Variants in ARHGAP10 observed in about 807,000 individuals in gnomAD.
ARHGAP10 encodes the protein rho GTPase-activating protein 10.
In ARHGAP10, 87 loss-of-function variants were observed where a neutral mutation model predicts 108.6. The observed-to-expected ratio is 0.80, with a 90% CI of 0.67 to 0.96. The LOEUF (loss-of-function observed/expected upper bound fraction) is 0.96. Among genes scored for constraint, ARHGAP10 ranks in the 40% least tolerant of loss-of-function variants. The pLI is 0.00. For synonymous variants in ARHGAP10, 347 were observed against 341.1 expected (o/e 1.02, Z -0.19); for missense variants, 939 against 954.5 (o/e 0.98, Z 0.21).
chr4:147,736,071 C>T (rs534483682), intron 1 of ARHGAP10, among the ~76,000 whole-genome samples: 1 of 151,898 alleles, frequency 6.6e-6, no homozygotes, highest in Admixed American at 6.5e-5. Flanking sequence ...AGTTATTAAG[C>T]ACTAATACAG....
chr4:148,061,799 C>T (rs936323283), intron 20 of ARHGAP10, among the ~76,000 whole-genome samples: 3 of 152,060 alleles, frequency 2.0e-5, no homozygotes, highest in Admixed American at 1.3e-4. Flanking sequence ...TGCCTGGCTT[C>T]GTGAGATCTG....
chr4:148,058,988 G>T (rs573877874), intron 20 of ARHGAP10, among the ~76,000 whole-genome samples: 1 of 152,302 alleles, frequency 6.6e-6, no homozygotes, highest in Admixed American at 6.5e-5. Context: ...TGCCTCCGTG[G>T]CGTCAGGAAC....
At chr4:147,960,734 C>T (rs539832207) in intron 16 of ARHGAP10, among the ~76,000 whole-genome samples, 11 of 152,318 alleles carry the variant, frequency 7.2e-5, no homozygotes, top group East Asian at 3.9e-4. Context: ...TTCTCTTGCT[C>T]ATGTGGTCAT....
chr4:148,046,757 C>T, intron 19 of ARHGAP10, 135 bp from the exon 20 acceptor site: 1 of 815,168 alleles, frequency 1.2e-6, no homozygotes, highest in Non-Finnish European at 1.8e-6. Context: ...GACAGGACAC[C>T]CAGATACTGT....
chr4:147,819,479 AG>A (rs1732392788), intron 1 of ARHGAP10, among the ~76,000 whole-genome samples: 1 of 152,056 alleles, frequency 6.6e-6, no homozygotes, highest in Admixed American at 6.5e-5. Flanking sequence ...ATTTGGAAAT[AG>A]GTACATGAAA....
At chr4:147,953,374 C>A (rs1738679811) in intron 15 of ARHGAP10, among the ~76,000 whole-genome samples, 1 of 151,968 alleles carries the variant, frequency 6.6e-6, no homozygotes, top group African/African-American at 2.4e-5. Flanking sequence ...TGGTAGAATT[C>A]ATTCAGTGAC....
At chr4:148,061,177 A>G (rs921787384) in intron 20 of ARHGAP10, among the ~76,000 whole-genome samples, 3 of 152,012 alleles carry the variant, frequency 2.0e-5, no homozygotes, top group Admixed American at 1.3e-4. Flanking sequence ...CAAGGGCCAC[A>G]TAAGTGTAGT....
chr4:147,781,133 C>T (rs1184392492), intron 1 of ARHGAP10, among the ~76,000 whole-genome samples: 4 of 152,010 alleles, frequency 2.6e-5, no homozygotes, highest in African/African-American at 7.2e-5. Flanking sequence ...CTGAGGCGGG[C>T]GGATCACGAG....
chr4:148,042,658 AC>A (rs1206080450), intron 19 of ARHGAP10, among the ~76,000 whole-genome samples: 1 of 152,180 alleles, frequency 6.6e-6, no homozygotes, highest in African/African-American at 2.4e-5. Context: ...TAACCATATT[AC>A]AGCAAACACC....
At chr4:147,982,300 C>G (rs182182446) in intron 18 of ARHGAP10, among the ~76,000 whole-genome samples, 2 of 150,734 alleles carry the variant, frequency 1.3e-5, no homozygotes, top group East Asian at 1.9e-4. Context: ...AGTCTGATGA[C>G]TATGTGCCTT....
At chr4:147,964,962 TCTATTAA>T in intron 16 of ARHGAP10, 55 bp from the exon 17 acceptor site, 9 of 1,131,416 alleles carry the variant, frequency 8.0e-6, no homozygotes, top group Non-Finnish European at 9.8e-6. Context: ...TTCTGAGTTC[TCTATTAA>T]CTATTGTTTT....
At chr4:147,859,735 A>C (rs1734238689) in intron 5 of ARHGAP10, among the ~76,000 whole-genome samples, 1 of 152,254 alleles carries the variant, frequency 6.6e-6, no homozygotes, top group Admixed American at 6.5e-5. Context: ...TACTTAATGT[A>C]TATTTATTGA....
At chr4:148,040,207 T>A (rs1458425374) in intron 19 of ARHGAP10, among the ~76,000 whole-genome samples, 1 of 152,216 alleles carries the variant, frequency 6.6e-6, no homozygotes, top group Non-Finnish European at 1.5e-5. Context: ...GGAACTTGGT[T>A]ATAGGTTCTT....
chr4:147,763,545 T>C (rs1408964077), intron 1 of ARHGAP10, among the ~76,000 whole-genome samples: 1 of 151,430 alleles, frequency 6.6e-6, no homozygotes, highest in Non-Finnish European at 1.5e-5. Context: ...CTCCTGACCT[T>C]GTGATCCGCC....
intron 8 of ARHGAP10, among the ~76,000 whole-genome samples, chr4:147,876,389 G>A (rs1416790068): frequency 1.3e-5 from 2 of 152,110 alleles, no homozygotes; most frequent in Non-Finnish European, 2.9e-5. Flanking sequence ...TCAGGAGATC[G>A]AGACCATCCT....
At chr4:147,918,337 G>A (rs1355864703) in intron 13 of ARHGAP10, among the ~76,000 whole-genome samples, 12 of 151,974 alleles carry the variant, frequency 7.9e-5, no homozygotes, top group South Asian at 2.1e-4. Flanking sequence ...GGGTTTCACC[G>A]TGTTAGCCAG....
intron 10 of ARHGAP10, among the ~76,000 whole-genome samples, chr4:147,887,243 C>G (rs7660688): frequency 0.89 from 135,788 of 152,146 alleles, 62,450 homozygotes; most frequent in Non-Finnish European, 1. Flanking sequence ...TGCCCAGACA[C>G]CCTGCCTTTC....
chr4:147,933,041 A>G (rs902289920), intron 13 of ARHGAP10, among the ~76,000 whole-genome samples: 3 of 152,060 alleles, frequency 2.0e-5, no homozygotes, highest in African/African-American at 7.2e-5. Flanking sequence ...TCTCTGTTAA[A>G]TTTCCCCAAT....
At chr4:147,978,706 T>C (rs962834318) in intron 18 of ARHGAP10, among the ~76,000 whole-genome samples, 1 of 152,214 alleles carries the variant, frequency 6.6e-6, no homozygotes, top group African/African-American at 2.4e-5. Context: ...AAGCCCCTTT[T>C]CTTCATAAAT....
Sources: allele counts gnomAD v4.1 joint callset (sites outside exome capture counted in the v4.1 genomes callset), GRCh38; gene constraint gnomAD v4.1.1; transcripts MANE v1.5; gene names NCBI Gene and HGNC (gene_info 2026-07-23, HGNC 2026-07-21).